Variants in CEP112 observed in about 807,000 individuals in gnomAD.
CEP112 encodes the protein centrosomal protein 112, also known as centrosomal protein of 112 kDa.
Under a neutral mutation model 153.0 loss-of-function variants are expected in CEP112, and 127 were observed. The ratio of observed to expected loss-of-function variants is 0.83; its 90% CI spans 0.72 to 0.96. The LOEUF is 0.96. CEP112 is among the 40% of genes least tolerant of loss of function. The pLI, the probability that CEP112 is intolerant of heterozygous loss-of-function variation, is 0.00. For missense variants in CEP112, 1,089 were observed against 1,101.2 expected (o/e 0.99, Z 0.16); for synonymous variants, 358 against 374.4 (o/e 0.96, Z 0.51).
chr17:65,763,328 G>C (rs1301918080), intron 21 of CEP112, among the ~76,000 whole-genome samples: 1 of 151,884 alleles, frequency 6.6e-6, no homozygotes, highest in African/African-American at 2.4e-5. Context: ...TGTTTTCTGA[G>C]CTTACAGATC....
intron 25 of CEP112, among the ~76,000 whole-genome samples, chr17:65,640,605 A>AT: frequency 6.6e-6 from 1 of 152,196 alleles, no homozygotes; most frequent in Non-Finnish European, 1.5e-5. Flanking sequence ...TGTGCTTTCA[A>AT]TTTCTCTGCC....
chr17:65,937,882 C>T (rs1378591138), intron 18 of CEP112, among the ~76,000 whole-genome samples: 1 of 117,212 alleles, frequency 8.5e-6, no homozygotes, highest in African/African-American at 2.9e-5. Flanking sequence ...AAGTGAGGAG[C>T]CCCTCTGCCC....
intron 19 of CEP112, among the ~76,000 whole-genome samples, chr17:65,924,872 A>G (rs946003390): frequency 3.5e-4 from 54 of 152,216 alleles, no homozygotes; most frequent in African/African-American, 1.2e-3. Context: ...AATATACTAA[A>G]GCCTCTGTGT....
At chr17:65,865,919 C>T (rs1319849563) in intron 20 of CEP112, among the ~76,000 whole-genome samples, 2 of 151,558 alleles carry the variant, frequency 1.3e-5, no homozygotes, top group East Asian at 2.0e-4. Context: ...GGGCCCAGGG[C>T]GGTGCTGCGC....
chr17:65,788,714 G>A lies in CEP112; in HGVS notation c.2395-37990C>T, dbSNP rs150752916. Among the ~76,000 whole-genome samples the A allele has an allele frequency of 3.3e-3, 497 of 152,078 alleles. 5 individuals are homozygous for A. Among genetic ancestry groups the A allele is most frequent in the African/African-American group, 0.012 (482 of 41,478 alleles). On this transcript the variant is annotated intron_variant, in intron 21 of 26. Transcript: ENST00000535342. ...TTTTCTATGTTTTTTGACTCAATCA[G>A]CAGTCATTTTTCCTATTTCCTCCTT...
At chr17:65,711,442 A>T (rs561466122) in intron 23 of CEP112, among the ~76,000 whole-genome samples, 1 of 152,344 alleles carries the variant, frequency 6.6e-6, no homozygotes, top group South Asian at 2.1e-4. Flanking sequence ...TAAAAACACA[A>T]TGTTAGCACA....
chr17:65,901,030 AAAAT>A (rs528626699), intron 20 of CEP112, among the ~76,000 whole-genome samples: 32 of 152,356 alleles, frequency 2.1e-4, no homozygotes, highest in African/African-American at 7.0e-4. Context: ...GGTCAAATGA[AAAAT>A]AACCAATAAC....
At chr17:65,821,269 T>A (rs975308158) in intron 21 of CEP112, among the ~76,000 whole-genome samples, 10 of 151,464 alleles carry the variant, frequency 6.6e-5, no homozygotes, top group Non-Finnish European at 1.5e-4. Flanking sequence ...TATTAGTAAC[T>A]GTTTTTGGCA....
chr17:66,034,462 T>A (rs2065623132), intron 12 of CEP112, among the ~76,000 whole-genome samples: 1 of 152,038 alleles, frequency 6.6e-6, no homozygotes, highest in Non-Finnish European at 1.5e-5. Context: ...TTAGAAAGTA[T>A]CAAATTGCTA....
chr17:66,123,916 T>G (rs1054203355), intron 6 of CEP112, among the ~76,000 whole-genome samples: 1 of 152,232 alleles, frequency 6.6e-6, no homozygotes, highest in African/African-American at 2.4e-5. Flanking sequence ...ATAATTATAT[T>G]GTAAGGTTCT....
chr17:65,816,249 A>G (rs1001378132), intron 21 of CEP112, among the ~76,000 whole-genome samples: 6 of 152,060 alleles, frequency 3.9e-5, no homozygotes, highest in African/African-American at 1.4e-4. Flanking sequence ...ACAAAGTTGT[A>G]CAACCATCAC....
chr17:65,729,142 C>T (rs529797656), intron 23 of CEP112, among the ~76,000 whole-genome samples: 3 of 152,034 alleles, frequency 2.0e-5, no homozygotes, highest in African/African-American at 7.2e-5. Context: ...ATTCCATAAG[C>T]TTTCTTCTAT....
chr17:65,994,503 GT>G (rs1357547154), intron 17 of CEP112, among the ~76,000 whole-genome samples: 2 of 152,008 alleles, frequency 1.3e-5, no homozygotes, highest in Admixed American at 6.6e-5. Context: ...TAATATTGTT[GT>G]TGTTTTTAGA....
chr17:65,902,163 G>C lies in CEP112; in HGVS notation c.2152C>G (p.Arg718Gly). Reference protein sequence around the residue: ...HENQIQEFKKRDAQVIADMEA... With the variant: ...HENQIQEFKKGDAQVIADMEA... ...TTATTGATAATTACCTGTGCATCTCGTTTCTTGAACTCCTGAATTTGATTT... is the reference window on the plus strand; with the variant it reads ...TTATTGATAATTACCTGTGCATCTCCTTTCTTGAACTCCTGAATTTGATTT... Residue 718 changes from arginine (R) to glycine (G), a missense_variant, in exon 20 of 27, where the codon CGA becomes GGA. Physicochemically the swap from Arg to Gly is moderately radical, Grantham distance 125. Coordinates refer to ENST00000535342, the MANE Select transcript of CEP112 (RefSeq NM_001199165.4). 1 of 1,612,602 alleles carries C rather than the reference G, an allele frequency of 6.2e-7. No individual in the cohort carries two copies. The highest frequency in any genetic ancestry group is 8.5e-7 in the Non-Finnish European group (1 of 1,179,154).
chr17:65,670,163 T>G (rs1177876389), intron 24 of CEP112, among the ~76,000 whole-genome samples: 2 of 151,246 alleles, frequency 1.3e-5, no homozygotes, highest in Non-Finnish European at 2.9e-5. Context: ...TTTTTTTGTT[T>G]TTGTTGTTGT....
chr17:65,975,389 A>G (rs865981650), intron 17 of CEP112, among the ~76,000 whole-genome samples: 1 of 152,224 alleles, frequency 6.6e-6, no homozygotes, highest in East Asian at 1.9e-4. Context: ...ATATAGATGT[A>G]TAAGTATGGG....
At chr17:65,831,619 G>C (rs547352779) in intron 21 of CEP112, among the ~76,000 whole-genome samples, 2 of 149,464 alleles carry the variant, frequency 1.3e-5, no homozygotes, top group African/African-American at 4.9e-5. Flanking sequence ...AAAACTAAAA[G>C]AAATTTGGAA....
rs185966367 is a variant in CEP112 at position 65,751,259 on chromosome 17, C to A, written c.2395-535G>T. On this transcript the variant is annotated intron_variant, in intron 21 of 26. Coordinates refer to ENST00000535342, the MANE Select transcript of CEP112 (RefSeq NM_001199165.4). Reference sequence around the variant, plus strand: ...CAGTGACAAATGTATCTAAATCAAACAAGTTTTAAGTTTTATGTCCTGGAA... The same window carrying A: ...CAGTGACAAATGTATCTAAATCAAAAAAGTTTTAAGTTTTATGTCCTGGAA... Among the ~76,000 whole-genome samples the A allele has an allele frequency of 1.1e-4, 16 of 152,256 alleles. No homozygotes were observed. In the East Asian group the frequency reaches 2.7e-3, roughly 26 times the overall value.
chr17:65,846,898 G>A (rs934279221), intron 21 of CEP112, among the ~76,000 whole-genome samples: 3 of 152,144 alleles, frequency 2.0e-5, no homozygotes, highest in African/African-American at 7.2e-5. Context: ...AGCTCCTGGG[G>A]CATTAGAAAC....
Sources: allele counts gnomAD v4.1 joint callset (sites outside exome capture counted in the v4.1 genomes callset), GRCh38; gene constraint gnomAD v4.1.1; transcripts MANE v1.5; gene names NCBI Gene and HGNC (gene_info 2026-07-23, HGNC 2026-07-21).